Variants in ZNF721 observed in about 807,000 individuals in gnomAD.
The protein encoded by ZNF721 is zinc finger protein 721.
A neutral mutation model predicts 2.4 loss-of-function variants in ZNF721; 2 were observed. That is an observed-to-expected ratio of 0.82 (90% CI 0.34 to 2.58). The LOEUF is 2.58. Ranked by LOEUF, ZNF721 falls within the 30% of genes most tolerant of loss-of-function variation. The pLI is 0.11. For missense variants in ZNF721, 1,187 were observed against 1,085.5 expected (o/e 1.09, Z -1.31); for synonymous variants, 398 against 381.8 (o/e 1.04, Z -0.50).
chr4:498,632 AC>A (rs1404469967), intron 1 of ZNF721, among the ~76,000 whole-genome samples: 1 of 152,232 alleles, frequency 6.6e-6, no homozygotes, highest in Non-Finnish European at 1.5e-5. Context: ...ACACAGAAAG[AC>A]AAATACCTCA....
chr4:461,830 G>A (rs1167523614), intron 2 of ZNF721, among the ~76,000 whole-genome samples: 3 of 152,180 alleles, frequency 2.0e-5, no homozygotes, highest in South Asian at 2.1e-4. Flanking sequence ...CCAAGATCAC[G>A]CCACTGCACT....
intron 2 of ZNF721, among the ~76,000 whole-genome samples, chr4:444,979 CT>C (rs569762644): frequency 0.05 from 5,431 of 108,734 alleles, 102 homozygotes; most frequent in Middle Eastern, 0.12. Flanking sequence ...TGATGAGAGA[CT>C]TTTTTTTTTT....
intron 2 of ZNF721, among the ~76,000 whole-genome samples, chr4:464,656 G>C (rs540613545): frequency 2.0e-5 from 3 of 152,236 alleles, no homozygotes; most frequent in African/African-American, 7.2e-5. Flanking sequence ...TTTATACATA[G>C]AGGTTAACTT....
At chr4:447,534 C>T (rs1283193933) in intron 2 of ZNF721, among the ~76,000 whole-genome samples, 2 of 151,802 alleles carry the variant, frequency 1.3e-5, no homozygotes, top group Non-Finnish European at 2.9e-5. Flanking sequence ...ATCAATAAAA[C>T]GTGTAAGTCT....
At chr4:468,358 A>T (rs1475574939) in intron 2 of ZNF721, among the ~76,000 whole-genome samples, 1 of 151,734 alleles carries the variant, frequency 6.6e-6, no homozygotes, top group African/African-American at 2.4e-5. Context: ...TGAACCTGGG[A>T]GGCGGAGGTT....
chr4:442,115 C>G lies in ZNF721; in HGVS notation c.2352G>C (p.Lys784Asn), dbSNP rs1293839942. ...IHTGKKPYKC[K>N]ECGKVITSSS... ...ATGACGTAATGACTTTGCCACATTCCTTACATTTGTAGGGTTTCTTTCCAG... is the reference window on the plus strand; with the variant it reads ...ATGACGTAATGACTTTGCCACATTCGTTACATTTGTAGGGTTTCTTTCCAG... Residue 784 changes from lysine (K) to asparagine (N), a missense_variant, in exon 3 of 3, where the codon AAG becomes AAC. Physicochemically the swap from Lys to Asn is moderately conservative, Grantham distance 94. Coordinates refer to ENST00000511833, the MANE Select transcript of ZNF721 (RefSeq NM_133474.4). 5.0e-6 allele frequency: 8 copies of G among 1,613,640 alleles called. No homozygotes were observed. The highest frequency in any genetic ancestry group is 5.9e-6 in the Non-Finnish European group (7 of 1,179,766).
At chr4:490,666 G>A (rs1274986132) in intron 1 of ZNF721, among the ~76,000 whole-genome samples, 4 of 152,134 alleles carry the variant, frequency 2.6e-5, no homozygotes, top group African/African-American at 9.7e-5. Context: ...GAAAGGTTAT[G>A]AAATGTAAAA....
chr4:477,373 G>C (rs1455103071), intron 1 of ZNF721, among the ~76,000 whole-genome samples: 1 of 150,500 alleles, frequency 6.6e-6, no homozygotes, highest in African/African-American at 2.4e-5. Flanking sequence ...AAGTAGCTGG[G>C]ACTACAGGCG....
rs782732369 is a variant in ZNF721, at chr4:444,183, T to C, written c.284A>G (p.Asn95Ser). 9 of 1,613,764 alleles carry C rather than the reference T, an allele frequency of 5.6e-6. No homozygotes were observed. Among genetic ancestry groups the C allele is most frequent in the Non-Finnish European group, 7.6e-6 (9 of 1,179,838 alleles). Residue 95 changes from asparagine to serine, a missense_variant, in exon 3 of 3, where the codon AAT becomes AGT. Coordinates refer to ENST00000511833, the MANE Select transcript of ZNF721 (RefSeq NM_133474.4). ...ARVKVFSKFANSNKDKTRHTG... is the reference protein window; with the variant it reads ...ARVKVFSKFASSNKDKTRHTG... ...ATGTCTTGTCTTATCTTTGTTTGAA[T>C]TTGCAAATTTACTAAAAACTTTGAC...
chr4:490,932 A>G (rs6831335), intron 1 of ZNF721, among the ~76,000 whole-genome samples: 56,522 of 150,108 alleles, frequency 0.38, 10,987 homozygotes, highest in African/African-American at 0.48. Flanking sequence ...CTAGCCTGGC[A>G]GGCAGTGCGA....
chr4:467,119 A>T (rs1455277562), intron 2 of ZNF721, among the ~76,000 whole-genome samples: 1 of 152,102 alleles, frequency 6.6e-6, no homozygotes, highest in African/African-American at 2.4e-5. Context: ...CTGGAGGCTG[A>T]CGCAGGAGAA....
At chr4:477,254 CTTT>C (rs35272784) in intron 1 of ZNF721, among the ~76,000 whole-genome samples, 127 of 74,204 alleles carry the variant, frequency 1.7e-3, no homozygotes, top group East Asian at 1.3e-3. Flanking sequence ...TGGTGAGTTC[CTTT>C]TTTTTTTTTT....
chr4:478,434 G>A (rs1293173093), intron 1 of ZNF721, among the ~76,000 whole-genome samples: 1 of 151,966 alleles, frequency 6.6e-6, no homozygotes, highest in Non-Finnish European at 1.5e-5. Flanking sequence ...GGTTGATCTT[G>A]AACTGTTTGC....
At chr4:486,299 C>T (rs567008142) in intron 1 of ZNF721, among the ~76,000 whole-genome samples, 1 of 152,182 alleles carries the variant, frequency 6.6e-6, no homozygotes, top group South Asian at 2.1e-4. Context: ...GCTGGGACTA[C>T]AGGCGTCCGC....
rs144222696 is a variant in ZNF721, at chr4:487,690, T to G, written c.-94+11366A>C. ...TCCTTTATTTAAAGTTAGATTTGTT[T>G]TAAGATGGTATTGACTTATACAGAA... On this transcript the variant is annotated intron_variant, in intron 1 of 2. Transcript: ENST00000511833. Among the ~76,000 whole-genome samples, 158 of 152,306 alleles carry G rather than the reference T, an allele frequency of 1.0e-3. 1 individual carries two copies. In the East Asian group the frequency reaches 0.029, roughly 28 times the overall value.
intron 1 of ZNF721, among the ~76,000 whole-genome samples, chr4:492,791 C>T (rs1295883068): frequency 7.7e-6 from 1 of 129,290 alleles, no homozygotes; most frequent in Non-Finnish European, 1.7e-5. Flanking sequence ...GCCTTCTTAC[C>T]AAAAAAAAAA....
At chr4:463,457 G>A (rs1438622077) in intron 2 of ZNF721, among the ~76,000 whole-genome samples, 1 of 152,110 alleles carries the variant, frequency 6.6e-6, no homozygotes, top group Non-Finnish European at 1.5e-5. Context: ...ACATGAACAC[G>A]TATTTTTATT....
chr4:498,248 A>C (rs2108730837), intron 1 of ZNF721, among the ~76,000 whole-genome samples: 3 of 147,324 alleles, frequency 2.0e-5, no homozygotes, highest in South Asian at 2.2e-4. Context: ...AAAGAAGGAC[A>C]TTGGTTCTGT....
chr4:473,661 C>T (rs552642717), intron 1 of ZNF721, among the ~76,000 whole-genome samples: 1 of 152,218 alleles, frequency 6.6e-6, no homozygotes, highest in Non-Finnish European at 1.5e-5. Context: ...GGGACAGGAC[C>T]CCTGGACCAC....
Sources: allele counts gnomAD v4.1 joint callset (sites outside exome capture counted in the v4.1 genomes callset), GRCh38; gene constraint gnomAD v4.1.1; transcripts MANE v1.5; gene names NCBI Gene and HGNC (gene_info 2026-07-23, HGNC 2026-07-21).